The following SWAP70 variants were observed in gnomAD, a reference collection of about 807,000 sequenced individuals.
SWAP70 encodes the protein switch-associated protein 70.
In SWAP70, 34 loss-of-function variants were observed where a neutral mutation model predicts 80.2. The observed-to-expected ratio is 0.42, with a 90% confidence interval of 0.32 to 0.56. The LOEUF is 0.56. Among genes scored for constraint, SWAP70 ranks in the 20% least tolerant of loss-of-function variants. The pLI is 0.09. For synonymous variants in SWAP70, 239 were observed against 238.5 expected (o/e 1.00, Z -0.02); for missense variants, 578 against 690.7 (o/e 0.84, Z 1.83).
chr11:9,723,940 T>C (rs1305592015), intron 3 of SWAP70, among the ~76,000 whole-genome samples: 1 of 152,116 alleles, frequency 6.6e-6, no homozygotes, highest in Non-Finnish European at 1.5e-5. Context: ...CCTGGCTAAC[T>C]TTTTTGTATT....
chr11:9,686,848 G>C (rs900606192), intron 1 of SWAP70, among the ~76,000 whole-genome samples: 1 of 152,038 alleles, frequency 6.6e-6, no homozygotes, highest in Admixed American at 6.6e-5. Context: ...TGTACAATGC[G>C]TAGGTTACCT....
chr11:9,665,264 G>A (rs992063188), intron 1 of SWAP70, among the ~76,000 whole-genome samples: 1 of 152,186 alleles, frequency 6.6e-6, no homozygotes, highest in Non-Finnish European at 1.5e-5. Context: ...CCGTTCTTCT[G>A]AGTAGTGGCT....
intron 1 of SWAP70, among the ~76,000 whole-genome samples, chr11:9,666,594 C>G (rs1850309826): frequency 6.6e-6 from 1 of 152,064 alleles, no homozygotes; most frequent in South Asian, 2.1e-4. Flanking sequence ...ATTTATTAAT[C>G]TACATACATT....
At chr11:9,664,383 G>A (rs1394344379) in intron 1 of SWAP70, 105 bp downstream of exon 1, 3 of 1,287,540 alleles carry the variant, frequency 2.3e-6, no homozygotes, top group Admixed American at 2.4e-5. Flanking sequence ...AGGGCGGGGC[G>A]GGTCGGAATG....
chr11:9,679,121 T>C (rs1202808287), intron 1 of SWAP70, among the ~76,000 whole-genome samples: 1 of 152,228 alleles, frequency 6.6e-6, no homozygotes, highest in African/African-American at 2.4e-5. Context: ...TAAGGAGATC[T>C]TGCGGTTAAG....
chr11:9,726,938 G>A, intron 4 of SWAP70: 1 of 456,264 alleles, frequency 2.2e-6, no homozygotes, highest in Non-Finnish European at 4.4e-6. Flanking sequence ...TCAGAATATT[G>A]AGAGGTCAGG....
At chr11:9,741,656 G>A (rs1166035460) in intron 9 of SWAP70, 1 of 152,166 alleles carries the variant, frequency 6.6e-6, no homozygotes, top group Admixed American at 6.5e-5. Flanking sequence ...TTATGACACA[G>A]CAGAGACTAG....
chr11:9,707,303 C>G (rs558566759), intron 2 of SWAP70, among the ~76,000 whole-genome samples: 1 of 152,162 alleles, frequency 6.6e-6, no homozygotes, highest in African/African-American at 2.4e-5. Context: ...ACCTTTTGAA[C>G]AACACCTCTT....
chr11:9,735,013 A>C (rs1851345794), intron 7 of SWAP70, among the ~76,000 whole-genome samples: 2 of 152,176 alleles, frequency 1.3e-5, no homozygotes, highest in African/African-American at 4.8e-5. Context: ...AAGGAATAAG[A>C]AATCATGGTA....
At chr11:9,686,929 C>CTGTA (rs1850640688) in intron 1 of SWAP70, among the ~76,000 whole-genome samples, 1 of 152,210 alleles carries the variant, frequency 6.6e-6, no homozygotes, top group Non-Finnish European at 1.5e-5. Context: ...AAAACCTGCT[C>CTGTA]TGTACCTTCT....
Position 9,752,858 on chromosome 11 carries a change from T to G in SWAP70, c.*2888T>G, listed in dbSNP as rs1851608584. ...AATGTAATATGCTCAACTTTCTCAATTTTTTGCTAATTTTTCTAAGATACA... is the reference window on the plus strand; with the variant it reads ...AATGTAATATGCTCAACTTTCTCAAGTTTTTGCTAATTTTTCTAAGATACA... On this transcript the variant is annotated 3_prime_UTR_variant, in exon 12 of 12. Coordinates refer to ENST00000318950, the MANE Select transcript of SWAP70 (RefSeq NM_015055.4). The G allele has an allele frequency of 6.6e-6, 1 of 152,232 alleles. No homozygotes were observed. Among genetic ancestry groups the G allele is most frequent in the Non-Finnish European group, 1.5e-5 (1 of 68,036 alleles). 9.4% of individuals were successfully genotyped at this position (152,232 alleles called of 1,614,324 possible).
In SWAP70 at chr11:9,705,504, C is replaced by T. The variant is rs919693108; in HGVS notation, c.241-7962C>T. Reference sequence around the variant, plus strand: ...TGTATACACTGGTGATCTGTATACACTGGTGATCTGTGTATACTTGGTGAT... The same window carrying T: ...TGTATACACTGGTGATCTGTATACATTGGTGATCTGTGTATACTTGGTGAT... On this transcript the variant is annotated intron_variant, in intron 2 of 11. Coordinates refer to ENST00000318950, the MANE Select transcript of SWAP70 (RefSeq NM_015055.4). Among the ~76,000 whole-genome samples, 28 of 133,320 alleles carry T rather than the reference C, an allele frequency of 2.1e-4. 3 individuals are homozygous for T. Among genetic ancestry groups the T allele is most frequent in the African/African-American group, 8.8e-4 (26 of 29,418 alleles). 87.5% of individuals were successfully genotyped at this position (133,320 alleles called of 152,430 possible).
At chr11:9,702,526 C>T (rs554349728) in intron 2 of SWAP70, among the ~76,000 whole-genome samples, 1 of 152,192 alleles carries the variant, frequency 6.6e-6, no homozygotes, top group Non-Finnish European at 1.5e-5. Context: ...ATCCTCCCAC[C>T]TTAGCCTTCC....
intron 7 of SWAP70, among the ~76,000 whole-genome samples, chr11:9,734,591 T>C (rs1008053558): frequency 2.6e-5 from 4 of 152,188 alleles, no homozygotes; most frequent in Admixed American, 1.3e-4. Context: ...AGTTCTCCAA[T>C]TTTTTCATGG....
chr11:9,747,013 TGC>T (rs1475725155), intron 9 of SWAP70, among the ~76,000 whole-genome samples: 4 of 152,202 alleles, frequency 2.6e-5, no homozygotes, highest in Non-Finnish European at 4.4e-5. Flanking sequence ...ATAATATTGT[TGC>T]TCAAGCCACT....
In SWAP70 at chr11:9,671,720, A is replaced by T. The variant is rs1412355418; in HGVS notation, c.99+7442A>T. ...TTTCTATGTATACATAGAAATATAT[A>T]AATATATTTCTATGTATACATAGAA... On this transcript the variant is annotated intron_variant, in intron 1 of 11. Coordinates refer to ENST00000318950, the MANE Select transcript of SWAP70 (RefSeq NM_015055.4). 1.5e-3 allele frequency among the ~76,000 whole-genome samples: 162 copies of T among 106,778 alleles called. No individual in the cohort carries two copies. In the East Asian group the frequency reaches 0.016, roughly 11 times the overall value. The allele number at this position is 106,778 out of a possible 152,430, so 70.1% of individuals were successfully genotyped here.
chr11:9,684,044 A>G (rs1395080211), intron 1 of SWAP70, among the ~76,000 whole-genome samples: 1 of 152,038 alleles, frequency 6.6e-6, no homozygotes, highest in Admixed American at 6.6e-5. Flanking sequence ...TGATTTCTGT[A>G]TATTTTAATG....
intron 3 of SWAP70, among the ~76,000 whole-genome samples, chr11:9,723,317 C>T (rs545847428): frequency 1.3e-5 from 2 of 152,090 alleles, no homozygotes; most frequent in East Asian, 3.9e-4. Flanking sequence ...TATCATGACC[C>T]AGCACACACA....
rs375914980 is a variant in SWAP70 at position 9,738,282 on chromosome 11, C to G, written c.1150C>G (p.Gln384Glu). The stretch of plus-strand genomic sequence containing the variant: ...ACGCCTTCAGACTCAAGTGGAACTT[C>G]AGGCCAGGTTCAGCACAGAGCTGGA... ...KKRLQTQVEL[Q>E]ARFSTELERE... The change falls in exon 8 of 12, where the codon CAG (glutamine) becomes GAG (glutamate). Residue 384 changes from glutamine to glutamate, a missense_variant. Physicochemically the swap from Gln to Glu is conservative, Grantham distance 29. Coordinates refer to ENST00000318950, the MANE Select transcript of SWAP70 (RefSeq NM_015055.4). 8.1e-6 allele frequency: 13 copies of G among 1,610,940 alleles called. No homozygotes were observed. In the African/African-American group the frequency reaches 1.5e-4, roughly 18 times the overall value.
Sources: gnomAD v4.1 joint callset for allele counts (sites outside exome capture counted in the v4.1 genomes callset) on GRCh38, gnomAD v4.1.1 for gene constraint, MANE v1.5 for transcripts, NCBI Gene and HGNC (gene_info 2026-07-23, HGNC 2026-07-21) for gene names.